Variants in CD38 observed in about 807,000 individuals in gnomAD.
CD38 encodes the protein ADP-ribosyl cyclase/cyclic ADP-ribose hydrolase 1.
A neutral mutation model predicts 36.3 loss-of-function variants in CD38; 31 were observed. The ratio of observed to expected loss-of-function variants is 0.85; its 90% CI spans 0.64 to 1.15. CD38 has a LOEUF of 1.15. Ranked by LOEUF, CD38 falls within the 50% of genes most tolerant of loss-of-function variation. The pLI is 0.00. For synonymous variants in CD38, 131 were observed against 135.2 expected, an observed-to-expected ratio of 0.97 and a Z score of 0.22; for missense variants, 380 against 371.9, an observed-to-expected ratio of 1.02 and a Z score of -0.18.
intron 1 of CD38, among the ~76,000 whole-genome samples, chr4:15,807,686 A>T (rs1379920684): frequency 4.6e-5 from 7 of 152,218 alleles, no homozygotes; most frequent in Non-Finnish European, 8.8e-5. Context: ...AGTGCTCTTG[A>T]GGGAACCAGA....
intron 1 of CD38, among the ~76,000 whole-genome samples, chr4:15,794,888 AAGT>A (rs1217670528): frequency 2.6e-5 from 4 of 152,252 alleles, no homozygotes; most frequent in Non-Finnish European, 5.9e-5. Flanking sequence ...ATAAATAACA[AAGT>A]AGATAGAAAC....
intron 1 of CD38, among the ~76,000 whole-genome samples, chr4:15,807,105 G>A (rs7667590): frequency 0.44 from 66,940 of 151,940 alleles, 17,131 homozygotes; most frequent in African/African-American, 0.72. Context: ...GACACTCAGC[G>A]TAGAGACTCA....
intron 5 of CD38, among the ~76,000 whole-genome samples, 190 bp downstream of exon 5, chr4:15,838,355 T>C (rs760107551): frequency 5.3e-5 from 8 of 152,312 alleles, no homozygotes; most frequent in Admixed American, 1.3e-4. Flanking sequence ...ATTTCTCCTT[T>C]GCCAAAAATT....
At chr4:15,829,849 T>C (rs977995517) in intron 3 of CD38, among the ~76,000 whole-genome samples, 7 of 152,356 alleles carry the variant, frequency 4.6e-5, no homozygotes, top group African/African-American at 1.4e-4. Flanking sequence ...TATGTTTATC[T>C]TTCTGTGTCT....
At chr4:15,838,532 CTCCCTTCT>C (rs1724125076) in intron 5 of CD38, among the ~76,000 whole-genome samples, 1 of 152,182 alleles carries the variant, frequency 6.6e-6, no homozygotes, top group African/African-American at 2.4e-5. Context: ...TGCTCCCCTG[CTCCCTTCT>C]GTCTAAATCT....
At chr4:15,830,754 TTAATC>T (rs1162323249) in intron 3 of CD38, among the ~76,000 whole-genome samples, 1 of 152,184 alleles carries the variant, frequency 6.6e-6, no homozygotes, top group Admixed American at 6.5e-5. Flanking sequence ...ATTTAAATCT[TTAATC>T]TATTTTGATT....
chr4:15,794,948 G>A (rs1439403291), intron 1 of CD38, among the ~76,000 whole-genome samples: 1 of 152,194 alleles, frequency 6.6e-6, no homozygotes, highest in African/African-American at 2.4e-5. Context: ...CTGTGTAGAA[G>A]ACAGAAAACT....
intron 3 of CD38, chr4:15,825,552 T>C (rs2148924720): frequency 6.5e-6 from 1 of 152,694 alleles, no homozygotes; most frequent in Non-Finnish European, 1.5e-5. Flanking sequence ...GAGTTAAATA[T>C]CCAAACTATA....
intron 3 of CD38, among the ~76,000 whole-genome samples, chr4:15,827,055 T>C (rs1414642793): frequency 1.3e-5 from 2 of 152,210 alleles, no homozygotes; most frequent in African/African-American, 4.8e-5. Context: ...AAAGTGCCAG[T>C]GTTCCATGTG....
At chr4:15,797,429 A>T (rs528836111) in intron 1 of CD38, among the ~76,000 whole-genome samples, 1 of 152,350 alleles carries the variant, frequency 6.6e-6, no homozygotes, top group Admixed American at 6.5e-5. Flanking sequence ...ATGCTAAAGC[A>T]TACATGTCTA....
chr4:15,795,559 G>A (rs1723088829), intron 1 of CD38, among the ~76,000 whole-genome samples: 1 of 151,858 alleles, frequency 6.6e-6, no homozygotes, highest in African/African-American at 2.4e-5. Flanking sequence ...ATGTAAAATC[G>A]CTTAAGCCCC....
chr4:15,780,563 CACACAT>C (rs1437866700), intron 1 of CD38, among the ~76,000 whole-genome samples: 42 of 149,662 alleles, frequency 2.8e-4, no homozygotes, highest in East Asian at 7.9e-4. Flanking sequence ...CACACACACA[CACACAT>C]ACAGTCTTAC....
chr4:15,838,506 T>C (rs895800885), intron 5 of CD38, among the ~76,000 whole-genome samples: 10 of 152,112 alleles, frequency 6.6e-5, no homozygotes, highest in African/African-American at 2.4e-4. Flanking sequence ...CGTTCCCCCA[T>C]ATGACCTGCC....
rs114759155 is a variant in CD38, at chr4:15,793,746, A to G, written c.233+15099A>G. 2.0e-5 allele frequency among the ~76,000 whole-genome samples: 3 copies of G among 152,204 alleles called. 1 individual carries two copies. Among genetic ancestry groups the G allele is most frequent in the Admixed American group, 2.0e-4 (3 of 15,278 alleles). ...CAGATAAGATTTGATTTTGGCTTGG[A>G]TGGTGATGGATGATGTTGAGAAGTG... On this transcript the variant is annotated intron_variant, in intron 1 of 7. Transcript: ENST00000226279.
rs1724322144 is a variant in CD38 at position 15,848,749 on chromosome 4, A to G, written c.*147A>G. ...GCCAGAGACGGAAGCCTTTTTCCCCAAAGTCTTAAAATAACTTATATCATC... is the reference window on the plus strand; with the variant it reads ...GCCAGAGACGGAAGCCTTTTTCCCCGAAGTCTTAAAATAACTTATATCATC... On this transcript the variant is annotated 3_prime_UTR_variant, in exon 8 of 8. Transcript: ENST00000226279. The G allele has an allele frequency of 5.4e-6, 3 of 558,720 alleles. No individual in the cohort carries two copies. Among genetic ancestry groups the G allele is most frequent in the Non-Finnish European group, 9.7e-6 (3 of 308,494 alleles). 34.6% of individuals were successfully genotyped at this position (558,720 alleles called of 1,614,324 possible).
intron 1 of CD38, among the ~76,000 whole-genome samples, chr4:15,811,811 G>A (rs1723477517): frequency 6.6e-6 from 1 of 152,202 alleles, no homozygotes; most frequent in South Asian, 2.1e-4. Flanking sequence ...GGTTAGGGAG[G>A]GCAAGCTGGT....
At chr4:15,810,796 G>A in intron 1 of CD38, among the ~76,000 whole-genome samples, 1 of 152,172 alleles carries the variant, frequency 6.6e-6, no homozygotes, top group East Asian at 1.9e-4. Context: ...ACCTAAACTT[G>A]CATCAGAATT....
At chr4:15,819,052 T>C (rs1723674266) in intron 2 of CD38, among the ~76,000 whole-genome samples, 1 of 151,830 alleles carries the variant, frequency 6.6e-6, no homozygotes, top group Non-Finnish European at 1.5e-5. Context: ...TGGATGAAGC[T>C]GGAAACCATC....
At chr4:15,810,521 C>G (rs1439149836) in intron 1 of CD38, among the ~76,000 whole-genome samples, 1 of 152,086 alleles carries the variant, frequency 6.6e-6, no homozygotes, top group East Asian at 1.9e-4. Context: ...AACAAGATCC[C>G]CTAAAGGAAA....
Sources: allele counts gnomAD v4.1 joint callset (sites outside exome capture counted in the v4.1 genomes callset), GRCh38; gene constraint gnomAD v4.1.1; transcripts MANE v1.5; gene names NCBI Gene and HGNC (gene_info 2026-07-23, HGNC 2026-07-21).